The following FRMD4A variants were observed in gnomAD, a reference collection of about 807,000 sequenced individuals.
The protein encoded by FRMD4A is FERM domain containing 4A.
A neutral mutation model predicts 129.1 loss-of-function variants in FRMD4A; 29 were observed. The observed-to-expected ratio is 0.22, with a 90% CI of 0.17 to 0.31. The LOEUF (loss-of-function observed/expected upper bound fraction) is 0.31, where lower values mean the gene tolerates loss of function less well. Among genes scored for constraint, FRMD4A ranks in the 10% least tolerant of loss-of-function variants. The pLI is 1.00. For missense variants in FRMD4A, 1,272 were observed against 1,375.8 expected, an observed-to-expected ratio of 0.92 and a Z score of 1.19; for synonymous variants, 634 against 571.6, an observed-to-expected ratio of 1.11 and a Z score of -1.56.
intron 24 of FRMD4A, among the ~76,000 whole-genome samples, chr10:13,650,292 CACAAGGCCAGAGGATAGGGG>C (rs2081449668): frequency 6.6e-6 from 1 of 152,160 alleles, no homozygotes; most frequent in Admixed American, 6.5e-5. Flanking sequence ...CACAGTTGGT[CACAAGGCCAGAGGATAGGGG>C]ATGAGGCCCT....
intron 2 of FRMD4A, among the ~76,000 whole-genome samples, chr10:14,095,702 C>T (rs1232079633): frequency 6.6e-6 from 1 of 152,182 alleles, no homozygotes; most frequent in Non-Finnish European, 1.5e-5. Flanking sequence ...AGCAATGAAA[C>T]AAAGACCACA....
chr10:14,252,260 C>G (rs1394094662), intron 2 of FRMD4A, among the ~76,000 whole-genome samples: 2 of 152,080 alleles, frequency 1.3e-5, no homozygotes, highest in Non-Finnish European at 2.9e-5. Flanking sequence ...ATTTCCTTAC[C>G]TAACTACAGG....
chr10:14,060,302 CT>C (rs1834746443), intron 2 of FRMD4A, among the ~76,000 whole-genome samples: 1 of 152,190 alleles, frequency 6.6e-6, no homozygotes, highest in Non-Finnish European at 1.5e-5. Flanking sequence ...CCATTCTTTG[CT>C]TCTTACACAA....
At chr10:14,248,719 T>C (rs1057127455) in intron 2 of FRMD4A, among the ~76,000 whole-genome samples, 2 of 152,236 alleles carry the variant, frequency 1.3e-5, no homozygotes, top group African/African-American at 2.4e-5. Flanking sequence ...AATGCTTGCA[T>C]TCATGAGGTC....
chr10:13,683,521 C>T lies in FRMD4A; in HGVS notation c.1118-8477G>A, dbSNP rs192150366. On this transcript the variant is annotated intron_variant, in intron 15 of 24. Transcript: ENST00000357447. ...CTGAGGCAGGAAGATCCCTTGAATCCGGGAGTTTGAGAGTACACTGAGCTA... is the reference window on the plus strand; with the variant it reads ...CTGAGGCAGGAAGATCCCTTGAATCTGGGAGTTTGAGAGTACACTGAGCTA... Among the ~76,000 whole-genome samples, 426 of 152,044 alleles carry T rather than the reference C, an allele frequency of 2.8e-3. 8 individuals carry two copies. Among genetic ancestry groups the T allele is most frequent in the Admixed American group, 0.022 (338 of 15,286 alleles).
At chr10:14,112,485 C>T (rs1837964988) in intron 2 of FRMD4A, among the ~76,000 whole-genome samples, 1 of 152,152 alleles carries the variant, frequency 6.6e-6, no homozygotes, top group African/African-American at 2.4e-5. Context: ...AGGACCTCAC[C>T]CATCTTCACA....
intron 13 of FRMD4A, among the ~76,000 whole-genome samples, chr10:13,703,705 C>T (rs988918731): frequency 6.6e-5 from 10 of 152,218 alleles, no homozygotes; most frequent in East Asian, 1.9e-4. Context: ...AAAAGCACCG[C>T]GAGGTTCACT....
intron 2 of FRMD4A, among the ~76,000 whole-genome samples, chr10:14,198,155 C>T (rs912533966): frequency 4.7e-4 from 71 of 152,176 alleles, no homozygotes; most frequent in African/African-American, 1.6e-3. Context: ...GGAATCAATA[C>T]CAGTGGGGAG....
At chr10:13,891,778 G>A (rs2094700302) in intron 2 of FRMD4A, 3 of 955,706 alleles carry the variant, frequency 3.1e-6, no homozygotes, top group Non-Finnish European at 3.7e-6. Flanking sequence ...CGTCCCCGCC[G>A]CCGCCCCCGC....
intron 12 of FRMD4A, among the ~76,000 whole-genome samples, chr10:13,721,040 C>A (rs1022745761): frequency 6.6e-6 from 1 of 152,176 alleles, no homozygotes; most frequent in Non-Finnish European, 1.5e-5. Context: ...CATAGGGACA[C>A]AAAGTAGATG....
At chr10:13,985,867 C>A (rs950061882) in intron 2 of FRMD4A, among the ~76,000 whole-genome samples, 1 of 152,244 alleles carries the variant, frequency 6.6e-6, no homozygotes, top group African/African-American at 2.4e-5. Context: ...GATTTAGGAA[C>A]TGAGCAGGCT....
chr10:13,921,021 T>C (rs2095064592), intron 2 of FRMD4A, among the ~76,000 whole-genome samples: 1 of 152,178 alleles, frequency 6.6e-6, no homozygotes, highest in African/African-American at 2.4e-5. Context: ...GCAAAATACA[T>C]AGACTGGGTT....
chr10:13,701,463 C>T lies in FRMD4A; in HGVS notation c.852G>A (p.Arg284=). ...CAATGCCGCTGTGCCCAAACGTCCT[C>T]CTTGTCACTGAAGCCCTGGGGAAGC... ...VHDPRRASVT[R]RTFGHSGIAV... The change falls in exon 14 of 25, where the codon AGG becomes AGA. Residue 284 remains arginine, a synonymous_variant. Transcript: ENST00000357447. The T allele has an allele frequency of 6.2e-7, 1 of 1,613,626 alleles. No homozygotes were observed. The highest frequency in any genetic ancestry group is 8.5e-7 in the Non-Finnish European group (1 of 1,179,706).
At chr10:14,014,991 T>C (rs183074146) in intron 2 of FRMD4A, among the ~76,000 whole-genome samples, 3 of 133,130 alleles carry the variant, frequency 2.3e-5, no homozygotes, top group Admixed American at 7.7e-5. Context: ...TTTCATCCTT[T>C]CTTATCTCCT....
chr10:14,041,955 T>G (rs549566510), intron 2 of FRMD4A, among the ~76,000 whole-genome samples: 1 of 152,236 alleles, frequency 6.6e-6, no homozygotes, highest in South Asian at 2.1e-4. Flanking sequence ...GCTTGCAGGG[T>G]GCTGGTGATG....
intron 2 of FRMD4A, among the ~76,000 whole-genome samples, chr10:14,247,950 A>T (rs368939789): frequency 3.3e-5 from 5 of 152,240 alleles, no homozygotes; most frequent in African/African-American, 1.2e-4. Context: ...ACGACTCTAC[A>T]TGGCCAAACC....
chr10:13,670,536 T>C lies in FRMD4A; in HGVS notation c.1252-8A>G. On this transcript the variant is annotated splice_polypyrimidine_tract_variant and splice_region_variant and intron_variant, in intron 16 of 24. Transcript: ENST00000357447. Reference sequence around the variant, plus strand: ...CAGCTTGCCCGTGAGCTCCTGCATATGTGAAATGGCATTCGGAGTGAGCAC... The same window carrying C: ...CAGCTTGCCCGTGAGCTCCTGCATACGTGAAATGGCATTCGGAGTGAGCAC... 9 of 1,611,988 alleles carry C rather than the reference T, an allele frequency of 5.6e-6. No homozygotes were observed. Among genetic ancestry groups the C allele is most frequent in the South Asian group, 2.2e-5 (2 of 90,898 alleles).
chr10:13,927,231 T>C (rs941149318), intron 2 of FRMD4A, among the ~76,000 whole-genome samples: 43 of 148,248 alleles, frequency 2.9e-4, no homozygotes, highest in African/African-American at 1.1e-3. Flanking sequence ...ACAGCCTGAG[T>C]GACAAAGCAA....
At chr10:13,656,523 T>A (rs2082161913) in intron 22 of FRMD4A, 113 bp downstream of exon 22, 1 of 1,190,158 alleles carries the variant, frequency 8.4e-7, no homozygotes, top group African/African-American at 1.6e-5. Flanking sequence ...AATTAATGAT[T>A]CCCGTTCCTC....
Sources: allele counts gnomAD v4.1 joint callset (sites outside exome capture counted in the v4.1 genomes callset), GRCh38; gene constraint gnomAD v4.1.1; transcripts MANE v1.5; gene names NCBI Gene and HGNC (gene_info 2026-07-23, HGNC 2026-07-21).